ZNF462: variants seen among roughly 807,000 people sequenced by gnomAD.
The protein encoded by ZNF462 is zinc finger protein 462.
In ZNF462, 10 loss-of-function variants were observed where a neutral mutation model predicts 201.9. That is an observed-to-expected ratio of 0.05 (90% CI 0.03 to 0.08). The LOEUF (loss-of-function observed/expected upper bound fraction) is 0.08. Among genes scored for constraint, ZNF462 ranks in the 10% least tolerant of loss-of-function variants. The pLI is 1.00. For synonymous variants in ZNF462, 1,227 were observed against 1,193.3 expected (o/e 1.03, Z -0.58); for missense variants, 2,523 against 3,168.3 (o/e 0.80, Z 4.89).
rs962253808 is a variant in ZNF462, at chr9:107,012,439, C to CTTTTTTTTTTTTTTTT, written c.*1419_*1434dup. The stretch of plus-strand genomic sequence containing the variant: ...GCCTGGAGAACTACTTTCTTTCTTT[C>CTTTTTTTTTTTTTTTT]TTTTTTTTTTTTTTTTTTTTTTTTT... On this transcript the variant is annotated 3_prime_UTR_variant, in exon 13 of 13. Coordinates refer to ENST00000277225, the MANE Select transcript of ZNF462 (RefSeq NM_021224.6). 3 of 86,286 alleles carry CTTTTTTTTTTTTTTTT rather than the reference C, an allele frequency of 3.5e-5. No homozygotes were observed. Among genetic ancestry groups the CTTTTTTTTTTTTTTTT allele is most frequent in the African/African-American group, 8.5e-5 (2 of 23,502 alleles). The allele number at this position is 86,286 out of a possible 1,614,324, so 5.3% of individuals were successfully genotyped here. A position where few individuals can be genotyped will look rare whatever the true frequency, so the allele number is the denominator to read the frequency against.
chr9:106,945,926 C>T (rs7868949), intron 7 of ZNF462, among the ~76,000 whole-genome samples: 13,869 of 152,188 alleles, frequency 0.091, 2,039 homozygotes, highest in African/African-American at 0.31. Context: ...TCAAAGGTCA[C>T]GTGATACACG....
chr9:106,991,652 G>A (rs914089859), intron 10 of ZNF462, among the ~76,000 whole-genome samples: 13 of 151,848 alleles, frequency 8.6e-5, no homozygotes, highest in African/African-American at 2.9e-4. Flanking sequence ...GTAAATTGAC[G>A]TAAGATAGAT....
Position 106,929,825 on chromosome 9 carries a change from C to T in ZNF462, c.5847+66C>T, listed in dbSNP as rs1283580159. On this transcript the variant is annotated intron_variant, in intron 3 of 12. Coordinates refer to ENST00000277225, the MANE Select transcript of ZNF462 (RefSeq NM_021224.6). The surrounding 1 kb of genome is among the most constrained non-coding windows in gnomAD (Gnocchi z 8.7). ...TCATCACTGGTGCCCACATGCACTT[C>T]TTCGTTGCCAGCCAAACTGCTGCAG... is the stretch of plus-strand genomic sequence containing the variant. 2 of 1,434,976 alleles carry T rather than the reference C, an allele frequency of 1.4e-6. No homozygotes were observed. The highest frequency in any genetic ancestry group is 1.9e-6 in the Non-Finnish European group (2 of 1,054,428). The allele number at this position is 1,434,976 out of a possible 1,614,324, so 88.9% of individuals were successfully genotyped here.
intron 7 of ZNF462, among the ~76,000 whole-genome samples, chr9:106,951,314 T>A (rs1285093536): frequency 6.6e-6 from 1 of 152,154 alleles, no homozygotes; most frequent in Non-Finnish European, 1.5e-5. Context: ...GAGAGAACGT[T>A]GAGTAAATAG....
Position 107,012,116 on chromosome 9 carries a change from T to TC in ZNF462, c.*1086_*1087insC, listed in dbSNP as rs1197757146. On this transcript the variant is annotated 3_prime_UTR_variant, in exon 13 of 13. Coordinates refer to ENST00000277225, the MANE Select transcript of ZNF462 (RefSeq NM_021224.6). ...AAGAAGTTAACTTTCTTTTTTTTTT[T>TC]TTTTTTTTTTTTTAATTTAACTAAA... 1 of 116,348 alleles carries TC rather than the reference T, an allele frequency of 8.6e-6. No homozygotes were observed. The highest frequency in any genetic ancestry group is 8.0e-5 in the Admixed American group (1 of 12,538). The allele number at this position is 116,348 out of a possible 1,614,324, so 7.2% of individuals were successfully genotyped here.
rs555063829 is a variant in ZNF462, at chr9:106,916,526, C to T, written c.-30-6828C>T. ...GCATTCTGAAGAGTCGATAAAGCAA[C>T]ACCGTGATTTTCTGTCTCTGCTGTT... On this transcript the variant is annotated intron_variant, in intron 1 of 12. Transcript: ENST00000277225. Among the ~76,000 whole-genome samples the T allele has an allele frequency of 2.0e-5, 3 of 152,306 alleles. No homozygotes were observed. In the East Asian group the frequency reaches 5.8e-4, roughly 29 times the overall value.
chr9:106,929,458 T>C lies in ZNF462; in HGVS notation c.5546T>C (p.Ile1849Thr). The change falls in exon 3 of 13, where the codon ATC (isoleucine) becomes ACC (threonine). Residue 1849 changes from isoleucine (I) to threonine (T), a missense_variant. Ile to Thr is a moderately conservative substitution (Grantham distance 89). Coordinates refer to ENST00000277225, the MANE Select transcript of ZNF462 (RefSeq NM_021224.6). The surrounding 1 kb of genome is among the most constrained non-coding windows in gnomAD (Gnocchi z 8.7). Reference sequence around the variant, plus strand: ...ATCGAGTGGCTCCCATTCCGCTGCATCAAATGCTTCAAGCTGTCCTTTAGC... The same window carrying C: ...ATCGAGTGGCTCCCATTCCGCTGCACCAAATGCTTCAAGCTGTCCTTTAGC... ...QEIEWLPFRCIKCFKLSFSTA... is the reference protein window; with the variant it reads ...QEIEWLPFRCTKCFKLSFSTA... 1 of 1,614,078 alleles carries C rather than the reference T, an allele frequency of 6.2e-7. No homozygotes were observed. Among genetic ancestry groups the C allele is most frequent in the Admixed American group, 1.7e-5 (1 of 60,016 alleles).
chr9:106,946,634 T>C (rs1023578344), intron 7 of ZNF462, among the ~76,000 whole-genome samples: 1 of 152,102 alleles, frequency 6.6e-6, no homozygotes. Context: ...GTCGAGGGTA[T>C]GTCCTCGGAA....
chr9:106,994,798 G>A (rs1433658206), intron 10 of ZNF462, among the ~76,000 whole-genome samples: 1 of 152,046 alleles, frequency 6.6e-6, no homozygotes, highest in Non-Finnish European at 1.5e-5. Flanking sequence ...TTCTTTACCT[G>A]TGCCTTCGAA....
intron 7 of ZNF462, among the ~76,000 whole-genome samples, chr9:106,955,005 T>A (rs1831513488): frequency 1.3e-5 from 2 of 152,272 alleles, no homozygotes; most frequent in African/African-American, 4.8e-5. Context: ...AATCAAGATT[T>A]GAATGCTTTT....
rs978984067 is a variant in ZNF462, at chr9:106,870,581, A to G, written c.-31+7226A>G. Among the ~76,000 whole-genome samples, 2 of 152,234 alleles carry G rather than the reference A, an allele frequency of 1.3e-5. No homozygotes were observed. The highest frequency in any genetic ancestry group is 2.4e-5 in the African/African-American group (1 of 41,458). On this transcript the variant is annotated intron_variant, in intron 1 of 12. Transcript: ENST00000277225. This position sits in a 1 kb window ranked among gnomAD's most constrained non-coding sequence, Gnocchi z 4.3. ...TAGACCTTCACATAGACAAATTTTA[A>G]CAAAGACCACACCAGGAAAAATGGA...
In ZNF462 at chr9:107,012,003, GTGT is replaced by G. The variant is rs987367173; in HGVS notation, c.*978_*980del. 6 of 151,024 alleles carry G rather than the reference GTGT, an allele frequency of 4.0e-5. No individual in the cohort carries two copies. Among genetic ancestry groups the G allele is most frequent in the Admixed American group, 2.6e-4 (4 of 15,178 alleles). 9.4% of individuals were successfully genotyped at this position (151,024 alleles called of 1,614,324 possible). On this transcript the variant is annotated 3_prime_UTR_variant, in exon 13 of 13. Transcript: ENST00000277225. ...TTCATATGAATTGTTTTTCGTGTGT[GTGT>G]TGTTATTGTTGTTTTAATTTCGGGG...
chr9:106,952,149 T>C (rs903780224), intron 7 of ZNF462, among the ~76,000 whole-genome samples: 1 of 152,202 alleles, frequency 6.6e-6, no homozygotes, highest in African/African-American at 2.4e-5. Flanking sequence ...TTCACATTGT[T>C]GTTAATGAAA....
Position 106,912,989 on chromosome 9 carries a change from C to T in ZNF462, c.-30-10365C>T, listed in dbSNP as rs529597655. ...ACTTTGCAAACAAGAATAAAAAAGGCTTTGTGGAGGGAAGGCAACCAAATG... is the reference window on the plus strand; with the variant it reads ...ACTTTGCAAACAAGAATAAAAAAGGTTTTGTGGAGGGAAGGCAACCAAATG... On this transcript the variant is annotated intron_variant, in intron 1 of 12. Transcript: ENST00000277225. Among the ~76,000 whole-genome samples the T allele has an allele frequency of 4.6e-5, 7 of 152,240 alleles. No individual in the cohort carries two copies. The East Asian group carries it at 9.7e-4, about 21-fold the overall frequency.
chr9:106,875,104 G>A (rs1442707122), intron 1 of ZNF462, among the ~76,000 whole-genome samples: 1 of 152,148 alleles, frequency 6.6e-6, no homozygotes, highest in Non-Finnish European at 1.5e-5. Context: ...AATCTTATTT[G>A]AAGCAGCTTC....
intron 7 of ZNF462, among the ~76,000 whole-genome samples, chr9:106,946,904 A>T (rs148780361): frequency 1.3e-5 from 2 of 152,222 alleles, no homozygotes; most frequent in Non-Finnish European, 2.9e-5. Context: ...AATAAATTAC[A>T]TACATTCTGA....
chr9:106,932,332 C>G lies in ZNF462; in HGVS notation c.6013-114C>G, dbSNP rs1312499792. On this transcript the variant is annotated intron_variant, in intron 4 of 12. Transcript: ENST00000277225. The surrounding 1 kb of genome is among the most constrained non-coding windows in gnomAD (Gnocchi z 6.8). Reference sequence around the variant, plus strand: ...AGCAGCCAAAGACGCCAGTGGCGCCCTGGTGGGCCGGGTGGATGGTGAACA... The same window carrying G: ...AGCAGCCAAAGACGCCAGTGGCGCCGTGGTGGGCCGGGTGGATGGTGAACA... The G allele has an allele frequency of 6.4e-7, 1 of 1,564,742 alleles. No individual in the cohort carries two copies.
In ZNF462 at chr9:106,872,576, T is replaced by C. The variant is rs1237220178; in HGVS notation, c.-31+9221T>C. ...CGGGGTTTCACTGTGTTGTCCAGGC[T>C]GGTCTCGAACTCCTGAGCTCAGGCA... On this transcript the variant is annotated intron_variant, in intron 1 of 12. Coordinates refer to ENST00000277225, the MANE Select transcript of ZNF462 (RefSeq NM_021224.6). The surrounding 1 kb of genome is among the most constrained non-coding windows in gnomAD (Gnocchi z 4.5). Among the ~76,000 whole-genome samples the C allele has an allele frequency of 3.9e-5, 6 of 152,166 alleles. No homozygotes were observed. Among genetic ancestry groups the C allele is most frequent in the African/African-American group, 9.7e-5 (4 of 41,434 alleles).
At chr9:106,901,914 T>C (rs1465732065) in intron 1 of ZNF462, among the ~76,000 whole-genome samples, 2 of 152,150 alleles carry the variant, frequency 1.3e-5, no homozygotes, top group Non-Finnish European at 2.9e-5. Context: ...CTTTTATTTC[T>C]TTCTATTGTC....
Sources: gnomAD v4.1 joint callset for allele counts (sites outside exome capture counted in the v4.1 genomes callset) on GRCh38, gnomAD v4.1.1 for gene constraint, Gnocchi (gnomAD v3.1) non-coding constraint, MANE v1.5 for transcripts, NCBI Gene and HGNC (gene_info 2026-07-23, HGNC 2026-07-21) for gene names.